The following IP6K1 variants were observed in gnomAD, a reference collection of about 807,000 sequenced individuals.
The protein encoded by IP6K1 is ATP:1D-myo-inositol-hexakisphosphate phosphotransferase.
A neutral mutation model predicts 38.3 loss-of-function variants in IP6K1; 13 were observed. The observed-to-expected ratio is 0.34, with a 90% CI of 0.22 to 0.54. IP6K1 has a LOEUF of 0.54. Among genes scored for constraint, IP6K1 ranks in the 20% least tolerant of loss-of-function variants. The probability of loss-of-function intolerance (pLI) is 0.92; values close to 1 mark genes in which losing one functional copy is unlikely to be tolerated. For synonymous variants in IP6K1, 212 were observed against 229.9 expected (o/e 0.92, Z 0.70); for missense variants, 397 against 599.8 (o/e 0.66, Z 3.53).
At chr3:49,755,913 G>T (rs746223074) in intron 1 of IP6K1, among the ~76,000 whole-genome samples, 7 of 152,178 alleles carry the variant, frequency 4.6e-5, no homozygotes, top group Admixed American at 3.9e-4. Flanking sequence ...ATTAGGCATA[G>T]TTATGAGGGT....
chr3:49,739,863 C>T (rs1404569978), intron 2 of IP6K1, among the ~76,000 whole-genome samples: 1 of 151,860 alleles, frequency 6.6e-6, no homozygotes, highest in Non-Finnish European at 1.5e-5. Flanking sequence ...AAAAATACAA[C>T]AGTTATCCAG....
Position 49,727,418 on chromosome 3 carries a change from A to G in IP6K1, c.1030T>C (p.Cys344Arg). 6.2e-7 allele frequency: 1 copy of G among 1,613,694 alleles called. No individual in the cohort carries two copies. Among genetic ancestry groups the G allele is most frequent in the Non-Finnish European group, 8.5e-7 (1 of 1,179,960 alleles). ...CGGTCCAGGCAGGACTCAGCCCGGC[A>G]CTCCTTGCCATCATAGATGACAAGC... ...SLLVIYDGKECRAESCLDRRS... is the reference protein window; with the variant it reads ...SLLVIYDGKERRAESCLDRRS... The change falls in exon 6 of 6, where the codon TGC becomes CGC. Residue 344 changes from cysteine (C) to arginine (R), a missense_variant. Physicochemically the swap from Cys to Arg is radical, Grantham distance 180. This residue lies in a region of IP6K1 where 164 missense variants were observed against 213.5 expected (regional missense o/e 0.77). Coordinates refer to ENST00000321599, the MANE Select transcript of IP6K1 (RefSeq NM_153273.4). The surrounding 1 kb of genome is among the most constrained non-coding windows in gnomAD (Gnocchi z 5.9).
At chr3:49,752,218 T>G (rs1246550849) in intron 1 of IP6K1, among the ~76,000 whole-genome samples, 1 of 152,048 alleles carries the variant, frequency 6.6e-6, no homozygotes, top group Non-Finnish European at 1.5e-5. Flanking sequence ...CCGGGTGCAG[T>G]GCCTCACGCC....
chr3:49,726,527 T>C lies in IP6K1; in HGVS notation c.*595A>G, dbSNP rs1345943829. On this transcript the variant is annotated 3_prime_UTR_variant, in exon 6 of 6. Transcript: ENST00000321599. Reference sequence around the variant, plus strand: ...CCCAGGCGCCGCCCTCTGCCATAAGTTGGCCTCAGCCCAGCTTCATTAATC... The same window carrying C: ...CCCAGGCGCCGCCCTCTGCCATAAGCTGGCCTCAGCCCAGCTTCATTAATC... 6.6e-6 allele frequency: 1 copy of C among 152,358 alleles called. No individual in the cohort carries two copies. Among genetic ancestry groups the C allele is most frequent in the Non-Finnish European group, 1.5e-5 (1 of 68,112 alleles). 9.4% of individuals were successfully genotyped at this position (152,358 alleles called of 1,614,324 possible).
intron 1 of IP6K1, among the ~76,000 whole-genome samples, chr3:49,771,197 A>C (rs925633315): frequency 2.1e-5 from 3 of 142,568 alleles, no homozygotes; most frequent in Non-Finnish European, 3.0e-5. Context: ...ACAAAAAAAA[A>C]AAAAAAAAAA....
chr3:49,781,468 T>C (rs2108266091), intron 1 of IP6K1, among the ~76,000 whole-genome samples: 1 of 152,200 alleles, frequency 6.6e-6, no homozygotes, highest in Non-Finnish European at 1.5e-5. Flanking sequence ...AGCAGAAATG[T>C]TTTGGGGACG....
intron 1 of IP6K1, among the ~76,000 whole-genome samples, chr3:49,770,989 T>G (rs1486906458): frequency 6.6e-6 from 1 of 151,734 alleles, no homozygotes; most frequent in African/African-American, 2.4e-5. Context: ...CATGGTAGTA[T>G]GCACATGTAG....
At position 49,738,872 on chromosome 3, in the gene IP6K1, A is replaced by G. The variant is rs112226813; in HGVS notation, c.224-450T>C. Among the ~76,000 whole-genome samples the G allele has an allele frequency of 4.6e-5, 7 of 152,186 alleles. 1 individual carries two copies. Among genetic ancestry groups the G allele is most frequent in the African/African-American group, 1.7e-4 (7 of 41,510 alleles). On this transcript the variant is annotated intron_variant, in intron 2 of 5. Coordinates refer to ENST00000321599, the MANE Select transcript of IP6K1 (RefSeq NM_153273.4). ...GGACATCAACACTTCTCCCTCCAAGACGGTCCAAAAAAATCTGTGTTCTGC... is the reference window on the plus strand; with the variant it reads ...GGACATCAACACTTCTCCCTCCAAGGCGGTCCAAAAAAATCTGTGTTCTGC...
At chr3:49,756,539 C>T (rs759306327) in intron 1 of IP6K1, among the ~76,000 whole-genome samples, 11 of 152,006 alleles carry the variant, frequency 7.2e-5, no homozygotes, top group African/African-American at 2.2e-4. Context: ...GGAGAAGGGC[C>T]GGGCGCAGTG....
rs140864960 is a variant in IP6K1, at chr3:49,725,193, G to A, written c.*1929C>T. On this transcript the variant is annotated 3_prime_UTR_variant, in exon 6 of 6. Coordinates refer to ENST00000321599, the MANE Select transcript of IP6K1 (RefSeq NM_153273.4). ...TGGGTGCAGCTTTGCTCGCTGTGAG[G>A]AGCAGCAGAATGCGGCAGCCTCTCC... 2,167 of 152,780 alleles carry A rather than the reference G, an allele frequency of 0.014. 29 individuals carry two copies. The highest frequency in any genetic ancestry group is 0.019 in the Non-Finnish European group (1,295 of 68,064). The allele number at this position is 152,780 out of a possible 1,614,324, so 9.5% of individuals were successfully genotyped here.
intron 1 of IP6K1, among the ~76,000 whole-genome samples, chr3:49,772,501 C>A (rs1188079007): frequency 6.6e-6 from 1 of 151,986 alleles, no homozygotes; most frequent in Non-Finnish European, 1.5e-5. Context: ...CTCCTGGTCT[C>A]AAGCAATCCT....
intron 1 of IP6K1, among the ~76,000 whole-genome samples, chr3:49,777,707 G>A (rs2081029724): frequency 6.6e-6 from 1 of 151,766 alleles, no homozygotes; most frequent in Non-Finnish European, 1.5e-5. Context: ...AAGGTCAGGA[G>A]ATCGAGACCA....
At chr3:49,776,941 A>T (rs550229813) in intron 1 of IP6K1, among the ~76,000 whole-genome samples, 506 of 152,288 alleles carry the variant, frequency 3.3e-3, no homozygotes, top group Non-Finnish European at 4.6e-3. Context: ...ACTAACTGAC[A>T]TCTTTTCACT....
rs575285960 is a variant in IP6K1, at chr3:49,756,188, G to A, written c.-128-8020C>T. On this transcript the variant is annotated intron_variant, in intron 1 of 5. Coordinates refer to ENST00000321599, the MANE Select transcript of IP6K1 (RefSeq NM_153273.4). ...CCTATCACAGGAGCTAGGAAACCAT[G>A]GCATCCTGAGGCCACCTGGCTAAGA... Among the ~76,000 whole-genome samples, 6 of 152,252 alleles carry A rather than the reference G, an allele frequency of 3.9e-5. 1 individual carries two copies. Among genetic ancestry groups the A allele is most frequent in the African/African-American group, 1.4e-4 (6 of 41,548 alleles).
intron 2 of IP6K1, 90 bp from the exon 3 acceptor site, chr3:49,738,512 A>C: frequency 1.0e-6 from 1 of 975,198 alleles, no homozygotes; most frequent in Non-Finnish European, 1.6e-6. Context: ...CCCACACAGC[A>C]TGAAGACATC....
intron 3 of IP6K1, among the ~76,000 whole-genome samples, chr3:49,735,395 C>T (rs895412466): frequency 1.3e-5 from 2 of 152,148 alleles, no homozygotes; most frequent in African/African-American, 4.8e-5. Context: ...CACCCTAAAG[C>T]GCTGTTCAGA....
chr3:49,784,500 C>T (rs1316675092), intron 1 of IP6K1, among the ~76,000 whole-genome samples: 1 of 151,874 alleles, frequency 6.6e-6, no homozygotes, highest in Non-Finnish European at 1.5e-5. Flanking sequence ...CAGAAATTAG[C>T]CGGGCATGGT....
chr3:49,743,363 G>C (rs779304595), intron 2 of IP6K1, among the ~76,000 whole-genome samples: 1 of 151,846 alleles, frequency 6.6e-6, no homozygotes, highest in East Asian at 1.9e-4. Flanking sequence ...CATGGAGGAG[G>C]ATCACTTGAG....
chr3:49,741,479 G>A (rs962602152), intron 2 of IP6K1, among the ~76,000 whole-genome samples: 1 of 151,500 alleles, frequency 6.6e-6, no homozygotes, highest in Non-Finnish European at 1.5e-5. Flanking sequence ...CTCTATTCAA[G>A]CCCTTTGTGC....
Sources: gnomAD v4.1 joint callset for allele counts (sites outside exome capture counted in the v4.1 genomes callset) on GRCh38, gnomAD v4.1.1 for gene constraint, gnomAD v4.1.1 regional missense constraint, Gnocchi (gnomAD v3.1) non-coding constraint, MANE v1.5 for transcripts, NCBI Gene and HGNC (gene_info 2026-07-23, HGNC 2026-07-21) for gene names.